CHRNB4: variants seen among roughly 807,000 people sequenced by gnomAD.
CHRNB4 encodes the protein cholinergic receptor nicotinic beta 4 subunit, also known as neuronal acetylcholine receptor subunit beta-4.
In CHRNB4, 23 loss-of-function variants were observed where a neutral mutation model predicts 40.4. The ratio of observed to expected loss-of-function variants is 0.57; its 90% CI spans 0.41 to 0.81. The LOEUF is 0.81. Among genes scored for constraint, CHRNB4 ranks in the 30% least tolerant of loss-of-function variants. The pLI, the probability that CHRNB4 is intolerant of heterozygous loss-of-function variation, is 0.00. For missense variants in CHRNB4, 568 were observed against 670.6 expected, an observed-to-expected ratio of 0.85 and a Z score of 1.69; for synonymous variants, 285 against 274.4, an observed-to-expected ratio of 1.04 and a Z score of -0.38.
chr15:78,629,240 G>C lies in CHRNB4; in HGVS notation c.1065C>G (p.Ser355Arg). Reference protein sequence around the residue: ...LFMKRPGPDSSPARAFPPSKS... With the variant: ...LFMKRPGPDSRPARAFPPSKS... The stretch of plus-strand genomic sequence containing the variant: ...TGCTGGGCGGGAAGGCTCTGGCCGG[G>C]CTGCTGTCGGGGCCAGGGCGCTTCA... Residue 355 changes from serine to arginine, a missense_variant, in exon 5 of 6, where the codon AGC (serine) becomes AGG (arginine). By Grantham distance (110) the Ser-to-Arg change is moderately radical (BLOSUM62 -1). Transcript: ENST00000261751. The surrounding 1 kb of genome is among the most constrained non-coding windows in gnomAD (Gnocchi z 6.8). 1 of 1,613,496 alleles carries C rather than the reference G, an allele frequency of 6.2e-7. No homozygotes were observed. Among genetic ancestry groups the C allele is most frequent in the Non-Finnish European group, 8.5e-7 (1 of 1,179,602 alleles).
At chr15:78,654,631 G>A (rs891035227) in intron 5 of CHRNB4, among the ~76,000 whole-genome samples, 1 of 152,192 alleles carries the variant, frequency 6.6e-6, no homozygotes, top group Admixed American at 6.5e-5. Context: ...GTGAAATCCA[G>A]ACAGGCAGAT....
chr15:78,648,521 C>T (rs947985461), intron 7 of CHRNB4, among the ~76,000 whole-genome samples: 1 of 151,574 alleles, frequency 6.6e-6, no homozygotes, highest in Non-Finnish European at 1.5e-5. Context: ...TTTGGGAGGC[C>T]GAGGCGGATG....
chr15:78,649,997 T>C (rs12902294), intron 6 of CHRNB4, among the ~76,000 whole-genome samples: 97,097 of 151,960 alleles, frequency 0.64, 32,739 homozygotes, highest in Non-Finnish European at 0.77. Flanking sequence ...TGAAATATTT[T>C]ATCAATTTTG....
intron 6 of CHRNB4, among the ~76,000 whole-genome samples, chr15:78,650,829 G>T (rs2054165988): frequency 6.6e-6 from 1 of 152,206 alleles, no homozygotes; most frequent in South Asian, 2.1e-4. Context: ...AAGGCTTAGG[G>T]TTGCTTATGG....
At chr15:78,661,372 G>A (rs905113100), upstream of CHRNB4, 20 of 532,568 alleles carry the variant, frequency 3.8e-5, no homozygotes, top group African/African-American at 3.5e-4. Flanking sequence ...CCAAGACCAC[G>A]GCCATTTTGT....
intron 3 of CHRNB4, among the ~76,000 whole-genome samples, chr15:78,657,027 CTT>C (rs1415258105): frequency 3.2e-4 from 47 of 145,866 alleles, no homozygotes; most frequent in Admixed American, 1.0e-3. Context: ...AATTGTTTTT[CTT>C]TTCTTCTTTT....
intron 4 of CHRNB4, among the ~76,000 whole-genome samples, chr15:78,630,614 AGGTCTG>A (rs2053784541): frequency 6.6e-6 from 1 of 152,338 alleles, no homozygotes; most frequent in East Asian, 1.9e-4. Context: ...ATTTGAACTC[AGGTCTG>A]TCTGTCCCCA....
intron 5 of CHRNB4, chr15:78,655,524 C>T (rs2054207428): frequency 6.7e-6 from 1 of 148,394 alleles, no homozygotes; most frequent in Non-Finnish European, 1.5e-5. Flanking sequence ...AAAAAATTAG[C>T]CGGATGAGGT....
In CHRNB4 at chr15:78,624,496, G is replaced by A. The variant is rs2053606488; in HGVS notation, c.*637C>T. 1 of 153,788 alleles carries A rather than the reference G, an allele frequency of 6.5e-6. No individual in the cohort carries two copies. The allele number at this position is 153,788 out of a possible 1,614,324, so 9.5% of individuals were successfully genotyped here. A position where few individuals can be genotyped will look rare whatever the true frequency, so the allele number is the denominator to read the frequency against. On this transcript the variant is annotated 3_prime_UTR_variant, in exon 6 of 6. Transcript: ENST00000261751. ...GAAGATAGGGAAGGCCAGGCATAGT[G>A]GCTCACACTTGTAATCCTAGCACTT...
chr15:78,652,313 C>G (rs750410014), intron 6 of CHRNB4, among the ~76,000 whole-genome samples: 12 of 152,242 alleles, frequency 7.9e-5, no homozygotes, highest in Non-Finnish European at 1.5e-4. Flanking sequence ...AGATCACTGG[C>G]TGCTTTATAG....
chr15:78,647,679 TA>T (rs1483546054), intron 7 of CHRNB4, among the ~76,000 whole-genome samples: 1 of 112,838 alleles, frequency 8.9e-6, no homozygotes, highest in Non-Finnish European at 1.8e-5. Flanking sequence ...ACCCCGTCTC[TA>T]CTAAAAATCC....
At chr15:78,659,947 C>T (rs1298646150) in intron 1 of CHRNB4, among the ~76,000 whole-genome samples, 1 of 152,148 alleles carries the variant, frequency 6.6e-6, no homozygotes, top group African/African-American at 2.4e-5. Context: ...TGGCTCATGC[C>T]TGTAATCCCA....
chr15:78,637,171 GC>G (rs1372531455), intron 1 of CHRNB4, among the ~76,000 whole-genome samples: 1 of 152,138 alleles, frequency 6.6e-6, no homozygotes, highest in African/African-American at 2.4e-5. Flanking sequence ...CATGCAGGGA[GC>G]CCCCCTGACC....
chr15:78,625,424 T>C, intron 5 of CHRNB4, 133 bp from the exon 6 acceptor site: 1 of 804,110 alleles, frequency 1.2e-6, no homozygotes, highest in Non-Finnish European at 1.8e-6. Flanking sequence ...GGGGGCAAGT[T>C]CTGAGTCCCA....
intron 2 of CHRNB4, among the ~76,000 whole-genome samples, chr15:78,632,410 C>T (rs1413706552): frequency 1.3e-5 from 2 of 151,968 alleles, no homozygotes; most frequent in South Asian, 2.1e-4. Flanking sequence ...CAGGCTCAAG[C>T]GATCCTCCCA....
At chr15:78,632,237 CTCTCTCTCTCTCTCTCTCTTTCTT>C (rs2053844626) in intron 2 of CHRNB4, among the ~76,000 whole-genome samples, 1 of 87,370 alleles carries the variant, frequency 1.1e-5, no homozygotes, top group African/African-American at 7.8e-5. Flanking sequence ...CTCTCTCTCT[CTCTCTCTCTCTCTCTCTCTTTCTT>C]TCTTTCTTTC....
intron 2 of CHRNB4, among the ~76,000 whole-genome samples, chr15:78,632,511 A>G (rs1236274657): frequency 6.6e-6 from 1 of 151,962 alleles, no homozygotes; most frequent in Non-Finnish European, 1.5e-5. Context: ...GGGATTCATC[A>G]TGATGCCCAG....
upstream of CHRNB4, chr15:78,661,272 A>C: frequency 1.7e-6 from 1 of 603,032 alleles, no homozygotes; most frequent in Non-Finnish European, 3.2e-6. Context: ...CCCCGCCCTG[A>C]GGATGCGGCG....
At chr15:78,639,002 G>A (rs2054014837) in intron 1 of CHRNB4, among the ~76,000 whole-genome samples, 2 of 152,228 alleles carry the variant, frequency 1.3e-5, no homozygotes. Flanking sequence ...GCCTTCTTGG[G>A]AAGAATTGTT....
Sources: gnomAD v4.1 joint callset for allele counts (sites outside exome capture counted in the v4.1 genomes callset) on GRCh38, gnomAD v4.1.1 for gene constraint, Gnocchi (gnomAD v3.1) non-coding constraint, MANE v1.5 for transcripts, NCBI Gene and HGNC (gene_info 2026-07-23, HGNC 2026-07-21) for gene names.